Variants in ARHGEF6 observed in about 807,000 individuals in gnomAD.
ARHGEF6 encodes the protein Rac/Cdc42 guanine nucleotide exchange factor 6.
In ARHGEF6, 9 loss-of-function variants were observed where a neutral mutation model predicts 70.3. That is an observed-to-expected ratio of 0.13 (90% confidence interval 0.08 to 0.22). The LOEUF (loss-of-function observed/expected upper bound fraction) is 0.22. Ranked by LOEUF, ARHGEF6 falls within the 10% of genes least tolerant of loss-of-function variation. ARHGEF6 has a pLI of 1.00. For missense variants in ARHGEF6, 470 were observed against 563.0 expected (o/e 0.83, Z 1.67); for synonymous variants, 201 against 207.8 (o/e 0.97, Z 0.28).
chrX:136,752,474 A>G (rs184182672), intron 2 of ARHGEF6, among the ~76,000 whole-genome samples: 94 of 112,342 alleles, frequency 8.4e-4, no homozygotes, highest in South Asian at 6.6e-3. Context: ...GCCACGTGCA[A>G]TGACACCTAG....
At chrX:136,723,687 G>A (rs1223750783) in intron 6 of ARHGEF6, among the ~76,000 whole-genome samples, 1 of 111,288 alleles carries the variant, frequency 9.0e-6, no homozygotes, top group African/African-American at 3.3e-5. Context: ...ACTTTGGGAG[G>A]CCGAGGCAGG....
chrX:136,740,163 C>G (rs2077028394), intron 5 of ARHGEF6, among the ~76,000 whole-genome samples: 1 of 111,197 alleles, frequency 9.0e-6, no homozygotes, highest in Non-Finnish European at 1.9e-5. Flanking sequence ...CATGCGCCAC[C>G]ATGCCCAGCT....
chrX:136,750,939 A>G, intron 2 of ARHGEF6, among the ~76,000 whole-genome samples: 1 of 109,944 alleles, frequency 9.1e-6, no homozygotes, highest in Middle Eastern at 4.7e-3. Context: ...AGTAGCTGGG[A>G]TTACAGGGAC....
chrX:136,742,619 G>T (rs1305648598), intron 5 of ARHGEF6, among the ~76,000 whole-genome samples: 1 of 111,354 alleles, frequency 9.0e-6, no homozygotes, highest in Non-Finnish European at 1.9e-5. Flanking sequence ...TGCAATATCA[G>T]AAGAGCCTAC....
chrX:136,727,331 TTCTTTCTTTCTTTCTTTCTTTCTTTC>T (rs2076866419), intron 6 of ARHGEF6, among the ~76,000 whole-genome samples: 586 of 46,272 alleles, frequency 0.013, 11 homozygotes, highest in South Asian at 0.048. Context: ...TTCTTTTTCT[TTCTTTCTTTCTTTCTTTCTTTCTTTC>T]TTTCTTTCTT....
intron 5 of ARHGEF6, among the ~76,000 whole-genome samples, chrX:136,741,771 G>C (rs1018579537): frequency 4.5e-5 from 5 of 111,436 alleles, no homozygotes; most frequent in African/African-American, 1.6e-4. Flanking sequence ...AGTTACTCTG[G>C]AGAAAGACAG....
At chrX:136,681,139 A>G (rs916421685) in intron 14 of ARHGEF6, among the ~76,000 whole-genome samples, 4 of 112,613 alleles carry the variant, frequency 3.6e-5, no homozygotes, top group African/African-American at 1.3e-4. Context: ...GTAAAACTTC[A>G]CCATAAACAA....
intron 1 of ARHGEF6, among the ~76,000 whole-genome samples, chrX:136,780,064 GCTTA>G (rs777641118): frequency 7.1e-5 from 8 of 111,927 alleles, no homozygotes; most frequent in Non-Finnish European, 1.1e-4. Flanking sequence ...GTACCTTTAA[GCTTA>G]CTTAAAGTGC....
chrX:136,726,929 CTTA>C (rs2076859098), intron 6 of ARHGEF6, among the ~76,000 whole-genome samples: 1 of 112,498 alleles, frequency 8.9e-6, no homozygotes, highest in African/African-American at 3.2e-5. Flanking sequence ...AGAATTTCAT[CTTA>C]CAAGGGATAT....
intron 9 of ARHGEF6, among the ~76,000 whole-genome samples, chrX:136,691,181 G>A (rs1332996080): frequency 1.8e-5 from 2 of 111,565 alleles, no homozygotes; most frequent in South Asian, 3.8e-4. Context: ...CACTTCAAAC[G>A]TCCTAGTTAT....
intron 9 of ARHGEF6, among the ~76,000 whole-genome samples, chrX:136,699,942 T>C (rs2076551284): frequency 9.0e-6 from 1 of 111,207 alleles, no homozygotes; most frequent in Non-Finnish European, 1.9e-5. Context: ...GGAAACTATG[T>C]TGCCAAGTCT....
intron 6 of ARHGEF6, among the ~76,000 whole-genome samples, chrX:136,716,864 G>A (rs192851696): frequency 7.1e-5 from 8 of 112,117 alleles, no homozygotes; most frequent in Non-Finnish European, 1.3e-4. Flanking sequence ...TCTGGGCATG[G>A]CTGAGGAAAG....
At chrX:136,716,839 T>G (rs1409145054) in intron 6 of ARHGEF6, among the ~76,000 whole-genome samples, 3 of 112,280 alleles carry the variant, frequency 2.7e-5, no homozygotes, top group African/African-American at 9.7e-5. Context: ...CTGCACATGA[T>G]GGACTCAATA....
rs2077084706 is a variant in ARHGEF6 at position 136,745,304 on chromosome X, A to T, written c.378T>A (p.Ser126Arg). The T allele has an allele frequency of 8.3e-7, 1 of 1,209,842 alleles. No individual in the cohort carries two copies. The highest frequency in any genetic ancestry group is 1.7e-5 in the African/African-American group (1 of 57,249). ...ERPCGRSSSL[S>R]AANTSQTNPQ... Reference sequence around the variant, plus strand: ...GGTTTGTCTGAGAAGTATTAGCAGCACTAAGAGAAGAGGAACGTCCACATG... The same window carrying T: ...GGTTTGTCTGAGAAGTATTAGCAGCTCTAAGAGAAGAGGAACGTCCACATG... Residue 126 changes from serine (S) to arginine (R), a missense_variant, in exon 4 of 22, where the codon AGT becomes AGA. This residue lies in a region of ARHGEF6 where 379 missense variants were observed against 449.3 expected (regional missense o/e 0.84). Coordinates refer to ENST00000250617, the MANE Select transcript of ARHGEF6 (RefSeq NM_004840.3).
intron 5 of ARHGEF6, among the ~76,000 whole-genome samples, chrX:136,732,840 C>T (rs1449750658): frequency 9.0e-6 from 1 of 111,128 alleles, no homozygotes; most frequent in Non-Finnish European, 1.9e-5. Context: ...CAGTATGTAA[C>T]CCCATTGTAA....
At chrX:136,702,765 T>G (rs1267025090) in intron 9 of ARHGEF6, among the ~76,000 whole-genome samples, 2 of 112,208 alleles carry the variant, frequency 1.8e-5, no homozygotes, top group Non-Finnish European at 3.8e-5. Flanking sequence ...AAAAGAGAGA[T>G]AAATCTATTG....
chrX:136,676,555 C>A, intron 18 of ARHGEF6, 69 bp downstream of exon 18: 1 of 917,536 alleles, frequency 1.1e-6, no homozygotes, highest in Non-Finnish European at 1.6e-6. Context: ...TCAAATAAAT[C>A]CTCACATAAA....
chrX:136,707,437 C>T (rs890900174), intron 8 of ARHGEF6, among the ~76,000 whole-genome samples: 7 of 111,983 alleles, frequency 6.3e-5, no homozygotes, highest in Admixed American at 1.9e-4. Context: ...GTGTTTGCTA[C>T]GCAGGGTGGC....
At chrX:136,717,810 G>T (rs1027030752) in intron 6 of ARHGEF6, among the ~76,000 whole-genome samples, 3 of 111,276 alleles carry the variant, frequency 2.7e-5, no homozygotes, top group Non-Finnish European at 5.7e-5. Flanking sequence ...AAAGTGAACT[G>T]GGACTAGCTA....
Sources: allele counts gnomAD v4.1 joint callset (sites outside exome capture counted in the v4.1 genomes callset), GRCh38; gene constraint gnomAD v4.1.1; regional missense constraint gnomAD v4.1.1; transcripts MANE v1.5; gene names NCBI Gene and HGNC (gene_info 2026-07-23, HGNC 2026-07-21).